MAP3K5: variants seen among roughly 807,000 people sequenced by gnomAD.
The protein encoded by MAP3K5 is ASK-1.
Under a neutral mutation model 158.7 loss-of-function variants are expected in MAP3K5, and 56 were observed. The ratio of observed to expected loss-of-function variants is 0.35; its 90% CI spans 0.28 to 0.44. MAP3K5 has a LOEUF of 0.44. Among genes scored for constraint, MAP3K5 ranks in the 20% least tolerant of loss-of-function variants. MAP3K5 has a pLI of 1.00. For synonymous variants in MAP3K5, 579 were observed against 601.7 expected, an observed-to-expected ratio of 0.96 and a Z score of 0.55; for missense variants, 1,294 against 1,674.8, an observed-to-expected ratio of 0.77 and a Z score of 3.97.
intron 21 of MAP3K5, among the ~76,000 whole-genome samples, chr6:136,597,301 G>A (rs1254001418): frequency 6.6e-6 from 1 of 152,216 alleles, no homozygotes; most frequent in African/African-American, 2.4e-5. Context: ...ATCTATGGAA[G>A]GGAGACAGTG....
At chr6:136,755,886 TGA>T (rs1312911454) in intron 1 of MAP3K5, among the ~76,000 whole-genome samples, 1 of 151,466 alleles carries the variant, frequency 6.6e-6, no homozygotes, top group Non-Finnish European at 1.5e-5. Flanking sequence ...CTAGTCAGGG[TGA>T]CTAGAGAGAA....
At chr6:136,733,722 C>T (rs1264525673) in intron 1 of MAP3K5, among the ~76,000 whole-genome samples, 3 of 142,066 alleles carry the variant, frequency 2.1e-5, no homozygotes, top group Admixed American at 6.7e-5. Flanking sequence ...CTCACACACA[C>T]ACAGCCTCCC....
At chr6:136,732,241 A>G (rs1782258601) in intron 1 of MAP3K5, among the ~76,000 whole-genome samples, 1 of 152,136 alleles carries the variant, frequency 6.6e-6, no homozygotes, top group Non-Finnish European at 1.5e-5. Flanking sequence ...CCTGACCAAC[A>G]TGGTGAAATA....
intron 1 of MAP3K5, among the ~76,000 whole-genome samples, chr6:136,722,661 TCTTTTTTTTTTC>T (rs1386607817): frequency 7.7e-4 from 115 of 148,564 alleles, no homozygotes; most frequent in African/African-American, 2.7e-3. Context: ...AACTTTCTTT[TCTTTTTTTTTTC>T]CTTTTTTTTT....
At chr6:136,601,703 T>C in intron 20 of MAP3K5, 99 bp downstream of exon 20, 1 of 1,020,900 alleles carries the variant, frequency 9.8e-7, no homozygotes, top group Non-Finnish European at 1.4e-6. Flanking sequence ...TTTCCAGTGA[T>C]ATCTGTAAAC....
At chr6:136,744,787 C>G (rs1225168735) in intron 1 of MAP3K5, among the ~76,000 whole-genome samples, 1 of 152,188 alleles carries the variant, frequency 6.6e-6, no homozygotes, top group African/African-American at 2.4e-5. Flanking sequence ...AGCAGCAAGT[C>G]TGAGTCCTCA....
At chr6:136,728,573 T>C (rs1484798464) in intron 1 of MAP3K5, among the ~76,000 whole-genome samples, 1 of 152,226 alleles carries the variant, frequency 6.6e-6, no homozygotes, top group Non-Finnish European at 1.5e-5. Flanking sequence ...CTTTAATTTC[T>C]TGTGTGTTAT....
At chr6:136,618,839 A>T (rs1157932677) in intron 15 of MAP3K5, among the ~76,000 whole-genome samples, 1 of 152,258 alleles carries the variant, frequency 6.6e-6, no homozygotes, top group Non-Finnish European at 1.5e-5. Flanking sequence ...TATGAAATTG[A>T]ATGAAACTAC....
intron 7 of MAP3K5, among the ~76,000 whole-genome samples, chr6:136,682,524 T>G (rs529313613): frequency 6.6e-6 from 1 of 152,218 alleles, no homozygotes; most frequent in Non-Finnish European, 1.5e-5. Context: ...CATTACTGTT[T>G]GAATAGCACT....
chr6:136,771,725 A>G (rs1261975498), intron 1 of MAP3K5, among the ~76,000 whole-genome samples: 2 of 152,100 alleles, frequency 1.3e-5, no homozygotes, highest in African/African-American at 4.8e-5. Flanking sequence ...TTGCCCTTGA[A>G]TTCTTTCCTG....
intron 16 of MAP3K5, 75 bp downstream of exon 16, chr6:136,614,084 G>C: frequency 6.5e-7 from 1 of 1,532,030 alleles, no homozygotes; most frequent in Non-Finnish European, 8.9e-7. Flanking sequence ...CTGTACGCTA[G>C]TAAATCCCAT....
At chr6:136,737,035 G>GTATATATATATA (rs1452375249) in intron 1 of MAP3K5, among the ~76,000 whole-genome samples, 2,193 of 118,474 alleles carry the variant, frequency 0.019, 24 homozygotes, top group Middle Eastern at 0.028. Context: ...ATATATGTGT[G>GTATATATATATA]TGTATATATA....
chr6:136,664,238 G>A (rs1032741518), intron 8 of MAP3K5, among the ~76,000 whole-genome samples: 5 of 151,992 alleles, frequency 3.3e-5, no homozygotes, highest in Admixed American at 6.6e-5. Flanking sequence ...TAGGTTGTGC[G>A]CTCCTTATGA....
rs776902530 is a variant in MAP3K5, at chr6:136,583,754, T to C, written c.3226-14A>G. 1.2e-6 allele frequency: 2 copies of C among 1,611,818 alleles called. No individual in the cohort carries two copies. The highest frequency in any genetic ancestry group is 3.3e-5 in the Admixed American group (2 of 59,910). On this transcript the variant is annotated splice_polypyrimidine_tract_variant and intron_variant, in intron 23 of 29. Transcript: ENST00000359015. ...TTCTTCAGCCCCCTGTGAATAAAAA[T>C]CAACAATCCTTACATCAACATATGC...
At chr6:136,733,744 A>G (rs1782329325) in intron 1 of MAP3K5, among the ~76,000 whole-genome samples, 1 of 151,594 alleles carries the variant, frequency 6.6e-6, no homozygotes, top group Non-Finnish European at 1.5e-5. Flanking sequence ...CATTGTCAAC[A>G]TCCCCCACCA....
At chr6:136,714,991 T>C (rs1781460508) in intron 2 of MAP3K5, among the ~76,000 whole-genome samples, 2 of 152,146 alleles carry the variant, frequency 1.3e-5, no homozygotes. Context: ...CCACAGAGAA[T>C]AGTCTATTAA....
intron 19 of MAP3K5, among the ~76,000 whole-genome samples, chr6:136,603,041 T>C (rs951321935): frequency 2.6e-5 from 4 of 152,178 alleles, no homozygotes; most frequent in Non-Finnish European, 5.9e-5. Flanking sequence ...ACAGCTTATG[T>C]AAATTCATTG....
chr6:136,659,154 A>C, intron 9 of MAP3K5, 65 bp downstream of exon 9: 1 of 1,342,014 alleles, frequency 7.5e-7, no homozygotes, highest in Non-Finnish European at 1.0e-6. Context: ...AGTTCAATAA[A>C]TATAATATGG....
chr6:136,657,748 T>C (rs190451526), intron 9 of MAP3K5, among the ~76,000 whole-genome samples: 1 of 152,292 alleles, frequency 6.6e-6, no homozygotes. Flanking sequence ...CTTTGTGAGC[T>C]GGTGTGATGG....
Sources: allele counts gnomAD v4.1 joint callset (sites outside exome capture counted in the v4.1 genomes callset), GRCh38; gene constraint gnomAD v4.1.1; transcripts MANE v1.5; gene names NCBI Gene and HGNC (gene_info 2026-07-23, HGNC 2026-07-21).